ESRP1: variants seen among roughly 807,000 people sequenced by gnomAD.
ESRP1 encodes RNA-binding motif protein 35A.
A neutral mutation model predicts 81.7 loss-of-function variants in ESRP1; 33 were observed. That is an observed-to-expected ratio of 0.40 (90% CI 0.31 to 0.54). The LOEUF (loss-of-function observed/expected upper bound fraction) is 0.54, where lower values mean the gene tolerates loss of function less well. Ranked by LOEUF, ESRP1 falls within the 20% of genes least tolerant of loss-of-function variation. ESRP1 has a pLI of 0.41. For synonymous variants in ESRP1, 320 were observed against 303.3 expected (o/e 1.06, Z -0.57); for missense variants, 672 against 833.1 (o/e 0.81, Z 2.38).
At chr8:94,655,088 T>TG (rs1408681294) in intron 4 of ESRP1, among the ~76,000 whole-genome samples, 2 of 145,630 alleles carry the variant, frequency 1.4e-5, no homozygotes, top group Admixed American at 6.9e-5. Context: ...TGTGTGTGTG[T>TG]TTTGTTTTGT....
intron 4 of ESRP1, among the ~76,000 whole-genome samples, chr8:94,655,143 G>T (rs1818340887): frequency 6.6e-6 from 1 of 151,608 alleles, no homozygotes; most frequent in Admixed American, 6.6e-5. Flanking sequence ...AGGCTGGGGT[G>T]CAGTGGTGCG....
intron 12 of ESRP1, among the ~76,000 whole-genome samples, chr8:94,677,377 G>C (rs192388197): frequency 2.9e-4 from 44 of 152,246 alleles, no homozygotes; most frequent in African/African-American, 1.0e-3. Flanking sequence ...TAAATGGCCC[G>C]GATAGTTGTG....
At chr8:94,684,021 A>G (rs1172321133) in intron 13 of ESRP1, among the ~76,000 whole-genome samples, 1 of 152,070 alleles carries the variant, frequency 6.6e-6, no homozygotes, top group Non-Finnish European at 1.5e-5. Flanking sequence ...CTAATTTTGT[A>G]TTTTTGGTAG....
chr8:94,689,446 A>G (rs139705729), intron 13 of ESRP1, among the ~76,000 whole-genome samples: 13 of 152,142 alleles, frequency 8.5e-5, no homozygotes, highest in African/African-American at 2.2e-4. Context: ...GTTGTAGTGT[A>G]TAGAAATGCA....
At chr8:94,659,957 A>C (rs1325160583) in intron 4 of ESRP1, among the ~76,000 whole-genome samples, 1 of 152,218 alleles carries the variant, frequency 6.6e-6, no homozygotes, top group Non-Finnish European at 1.5e-5. Context: ...GAGAGAAGTG[A>C]GGAAGCTGCA....
At chr8:94,679,655 A>ATT (rs745891866) in intron 13 of ESRP1, among the ~76,000 whole-genome samples, 124 of 148,554 alleles carry the variant, frequency 8.3e-4, no homozygotes, top group African/African-American at 2.9e-3. Context: ...CTGTAGGTCA[A>ATT]TTTTTTTTTT....
Position 94,642,037 on chromosome 8 carries a change from G to T in ESRP1, c.214G>T (p.Val72Phe), listed in dbSNP as rs367610505. 2 of 1,613,804 alleles carry T rather than the reference G, an allele frequency of 1.2e-6. No individual in the cohort carries two copies. The highest frequency in any genetic ancestry group is 1.7e-6 in the Non-Finnish European group (2 of 1,179,876). ...CTGCAAAGAAGAAACTAAAATAGAC[G>T]TCGAAAGCCTGTCCTCGGCGTCGCA... ...EDCKEETKIDVESLSSASQLD... is the reference protein window; with the variant it reads ...EDCKEETKIDFESLSSASQLD... The change falls in exon 2 of 16, where the codon GTC becomes TTC. Residue 72 changes from valine (V) to phenylalanine (F), a missense_variant. Val to Phe is a conservative substitution (Grantham distance 50). Coordinates refer to ENST00000433389, the MANE Select transcript of ESRP1 (RefSeq NM_017697.4).
intron 5 of ESRP1, 62 bp downstream of exon 5, chr8:94,662,432 C>T (rs1352567768): frequency 3.9e-6 from 6 of 1,542,404 alleles, no homozygotes; most frequent in South Asian, 1.2e-5. Flanking sequence ...CTTACCTATA[C>T]TCAAATTTCC....
intron 11 of ESRP1, among the ~76,000 whole-genome samples, chr8:94,672,450 A>C (rs919413252): frequency 6.6e-6 from 1 of 152,198 alleles, no homozygotes; most frequent in Non-Finnish European, 1.5e-5. Context: ...TATTTGCTGG[A>C]AAATTTAACA....
chr8:94,652,953 C>T (rs917921308), intron 4 of ESRP1, among the ~76,000 whole-genome samples: 1 of 152,144 alleles, frequency 6.6e-6, no homozygotes, highest in Non-Finnish European at 1.5e-5. Flanking sequence ...ATTTGAGGCA[C>T]GTTGGCTACC....
intron 4 of ESRP1, among the ~76,000 whole-genome samples, chr8:94,660,709 C>CAAAAAAAAAAAAAAAAAAAAAAAA (rs60316449): frequency 1.1e-4 from 5 of 43,544 alleles, no homozygotes; most frequent in South Asian, 1.3e-3. Context: ...GAGACTATCT[C>CAAAAAAAAAAAAAAAAAAAAAAAA]AAAAAAAAAA....
chr8:94,642,358 T>G (rs1229067291), intron 2 of ESRP1, among the ~76,000 whole-genome samples: 1 of 152,194 alleles, frequency 6.6e-6, no homozygotes. Context: ...GTCAGCTCCA[T>G]TTTGCCAATT....
chr8:94,684,282 G>C lies in ESRP1; in HGVS notation c.1820+5911G>C, dbSNP rs1370405276. ...TCCTATTTATTTGTTTGGTTCCTTAGACTTTCTCTGAGTGGTAGAAGTGCA... is the reference window on the plus strand; with the variant it reads ...TCCTATTTATTTGTTTGGTTCCTTACACTTTCTCTGAGTGGTAGAAGTGCA... On this transcript the variant is annotated intron_variant, in intron 13 of 15. Coordinates refer to ENST00000433389, the MANE Select transcript of ESRP1 (RefSeq NM_017697.4). 2.0e-5 allele frequency among the ~76,000 whole-genome samples: 3 copies of C among 152,162 alleles called. No homozygotes were observed. In the East Asian group the frequency reaches 5.8e-4, roughly 29 times the overall value.
intron 14 of ESRP1, among the ~76,000 whole-genome samples, chr8:94,693,198 A>C (rs1443357447): frequency 6.6e-6 from 1 of 152,212 alleles, no homozygotes; most frequent in East Asian, 1.9e-4. Flanking sequence ...GACTAAACCA[A>C]TAAGTACTTA....
chr8:94,665,663 T>C (rs567536488), intron 9 of ESRP1, among the ~76,000 whole-genome samples: 40 of 152,204 alleles, frequency 2.6e-4, no homozygotes, highest in African/African-American at 9.4e-4. Flanking sequence ...GGCTAACTTT[T>C]TGTATTTTTA....
chr8:94,678,001 G>C (rs1364820640), intron 12 of ESRP1, among the ~76,000 whole-genome samples: 1 of 152,128 alleles, frequency 6.6e-6, no homozygotes, highest in Admixed American at 6.6e-5. Flanking sequence ...GCAAAGAACT[G>C]TTTTTTAGGT....
At chr8:94,651,132 G>A (rs1187308048) in intron 4 of ESRP1, among the ~76,000 whole-genome samples, 5 of 151,954 alleles carry the variant, frequency 3.3e-5, no homozygotes, top group South Asian at 2.1e-4. Context: ...GGGGAATGGT[G>A]AGGGAAAGCA....
intron 4 of ESRP1, among the ~76,000 whole-genome samples, chr8:94,650,224 T>G (rs955990748): frequency 6.6e-6 from 1 of 151,810 alleles, no homozygotes; most frequent in African/African-American, 2.4e-5. Context: ...CAAAATACAT[T>G]GTAGCAATAG....
chr8:94,701,036 G>T (rs188155860), intron 15 of ESRP1, among the ~76,000 whole-genome samples: 53 of 151,708 alleles, frequency 3.5e-4, no homozygotes, highest in Non-Finnish European at 6.0e-4. Context: ...ATTTTGGTAG[G>T]CTGAAGCAGG....
Sources: gnomAD v4.1 joint callset for allele counts (sites outside exome capture counted in the v4.1 genomes callset) on GRCh38, gnomAD v4.1.1 for gene constraint, MANE v1.5 for transcripts, NCBI Gene and HGNC (gene_info 2026-07-23, HGNC 2026-07-21) for gene names.